The following DUSP10 variants were observed in gnomAD, a reference collection of about 807,000 sequenced individuals.
DUSP10 encodes dual specificity protein phosphatase 10.
DUSP10 carries 14 observed loss-of-function variants against 30.8 expected under a neutral mutation model. The ratio of observed to expected loss-of-function variants is 0.46; its 90% CI spans 0.30 to 0.71. DUSP10 has a LOEUF of 0.71. Ranked by LOEUF, DUSP10 falls within the 30% of genes least tolerant of loss-of-function variation. The pLI is 0.08. For missense variants in DUSP10, 550 were observed against 619.4 expected, an observed-to-expected ratio of 0.89 and a Z score of 1.19; for synonymous variants, 254 against 250.4, an observed-to-expected ratio of 1.01 and a Z score of -0.14.
Position 221,732,969 on chromosome 1 carries a change from G to A in DUSP10, c.811+5965C>T, listed in dbSNP as rs146428074. On this transcript the variant is annotated intron_variant, in intron 2 of 3. Transcript: ENST00000366899. ...TTCTTTAGTTCCAAAAAGGTGAGAT[G>A]ACCTCTCCTGGAACTAGAATTTCTC... Among the ~76,000 whole-genome samples the A allele has an allele frequency of 4.7e-3, 713 of 152,268 alleles. 8 individuals carry two copies. Among genetic ancestry groups the A allele is most frequent in the Non-Finnish European group, 4.6e-3 (311 of 68,016 alleles).
Position 221,702,984 on chromosome 1 carries a change from C to G in DUSP10, c.1184-307G>C, listed in dbSNP as rs1234098841. ...TGACAGCAGTGGCCGGAAGCCAGAC[C>G]TATAACACAGTTAACTTTCACGTTG... is the stretch of plus-strand genomic sequence containing the variant. On this transcript the variant is annotated intron_variant, in intron 3 of 3. Coordinates refer to ENST00000366899, the MANE Select transcript of DUSP10 (RefSeq NM_007207.6). This position sits in a 1 kb window ranked among gnomAD's most constrained non-coding sequence, Gnocchi z 4.5. 4.6e-5 allele frequency among the ~76,000 whole-genome samples: 7 copies of G among 152,078 alleles called. No homozygotes were observed. Among genetic ancestry groups the G allele is most frequent in the African/African-American group, 1.7e-4 (7 of 41,392 alleles).
intron 2 of DUSP10, among the ~76,000 whole-genome samples, chr1:221,709,790 T>A (rs1660881156): frequency 6.6e-6 from 1 of 152,174 alleles, no homozygotes; most frequent in South Asian, 2.1e-4. Flanking sequence ...AGAGTAAAGC[T>A]AATCTGGTTT....
At chr1:221,738,848 T>C in intron 2 of DUSP10, 86 bp downstream of exon 2, 1 of 1,489,422 alleles carries the variant, frequency 6.7e-7, no homozygotes, top group Non-Finnish European at 9.0e-7. Flanking sequence ...GTAGCCAGGG[T>C]AAGGAGAATG....
intron 2 of DUSP10, among the ~76,000 whole-genome samples, chr1:221,731,273 A>T (rs6689705): frequency 0.48 from 72,332 of 150,768 alleles, 17,776 homozygotes; most frequent in African/African-American, 0.59. Context: ...CAAACATTTT[A>T]TTTTTTTAAA....
chr1:221,727,640 G>A (rs925963485), intron 2 of DUSP10, among the ~76,000 whole-genome samples: 1 of 152,118 alleles, frequency 6.6e-6, no homozygotes, highest in South Asian at 2.1e-4. Context: ...GTCATCCTGG[G>A]GTTGTTGTGG....
At chr1:221,723,951 A>G (rs1661348337) in intron 2 of DUSP10, among the ~76,000 whole-genome samples, 1 of 152,248 alleles carries the variant, frequency 6.6e-6, no homozygotes, top group Non-Finnish European at 1.5e-5. Context: ...CTGACCTTCT[A>G]ATCATGTGGA....
chr1:221,736,220 G>C (rs1661764553), intron 2 of DUSP10, among the ~76,000 whole-genome samples: 1 of 152,150 alleles, frequency 6.6e-6, no homozygotes, highest in Admixed American at 6.5e-5. Context: ...CATGGAGACA[G>C]GGGGACAAGG....
chr1:221,720,205 G>C (rs531945777), intron 2 of DUSP10, among the ~76,000 whole-genome samples: 2 of 152,268 alleles, frequency 1.3e-5, no homozygotes, highest in East Asian at 3.9e-4. Context: ...GAGATGACTA[G>C]TGGCTGGGGG....
intron 2 of DUSP10, among the ~76,000 whole-genome samples, chr1:221,715,350 C>T (rs1661065741): frequency 6.6e-6 from 1 of 152,184 alleles, no homozygotes; most frequent in South Asian, 2.1e-4. Context: ...TCACCACCCT[C>T]CCCTCCTGGC....
intron 2 of DUSP10, chr1:221,737,183 G>A (rs1661801265): frequency 1.0e-6 from 1 of 985,408 alleles, no homozygotes; most frequent in East Asian, 1.1e-4. Flanking sequence ...CCCATGATTA[G>A]GAGGTCTAGG....
chr1:221,717,458 CA>C (rs1385519876), intron 2 of DUSP10, among the ~76,000 whole-genome samples: 3 of 149,240 alleles, frequency 2.0e-5, no homozygotes, highest in Non-Finnish European at 4.4e-5. Context: ...GGAAAAGAAA[CA>C]GAGAGAGAGA....
In DUSP10 at chr1:221,732,711, C is replaced by A. The variant is rs139988439; in HGVS notation, c.811+6223G>T. Among the ~76,000 whole-genome samples, 1,247 of 152,232 alleles carry A rather than the reference C, an allele frequency of 8.2e-3. 9 individuals carry two copies. Among genetic ancestry groups the A allele is most frequent in the Middle Eastern group, 0.024 (7 of 294 alleles). On this transcript the variant is annotated intron_variant, in intron 2 of 3. Coordinates refer to ENST00000366899, the MANE Select transcript of DUSP10 (RefSeq NM_007207.6). ...TCCTGTAGTGGCATAATGAGAATAC[C>A]GGACTAGATCAATGGTTCTCAAACT...
At chr1:221,732,412 T>C (rs1316027979) in intron 2 of DUSP10, among the ~76,000 whole-genome samples, 2 of 152,232 alleles carry the variant, frequency 1.3e-5, no homozygotes, top group African/African-American at 4.8e-5. Flanking sequence ...CAGGTAAATA[T>C]ATAGACCATG....
chr1:221,703,986 G>A (rs1015079634), intron 3 of DUSP10, among the ~76,000 whole-genome samples: 2 of 152,138 alleles, frequency 1.3e-5, no homozygotes, highest in South Asian at 2.1e-4. Flanking sequence ...TTCAGCACAC[G>A]GTATTTAGCT....
At chr1:221,714,643 A>G (rs945636633) in intron 2 of DUSP10, among the ~76,000 whole-genome samples, 1 of 152,200 alleles carries the variant, frequency 6.6e-6, no homozygotes, top group African/African-American at 2.4e-5. Flanking sequence ...AAGCCAGACT[A>G]TAAAATCTGG....
intron 2 of DUSP10, among the ~76,000 whole-genome samples, chr1:221,737,741 A>T (rs971679167): frequency 6.6e-6 from 1 of 152,252 alleles, no homozygotes; most frequent in South Asian, 2.1e-4. Context: ...TTCCCAGAAC[A>T]CTGCTTAACA....
chr1:221,730,974 A>T (rs749905004), intron 2 of DUSP10, among the ~76,000 whole-genome samples: 1 of 152,194 alleles, frequency 6.6e-6, no homozygotes, highest in Non-Finnish European at 1.5e-5. Context: ...TAATTAAAAG[A>T]TTACATCAAT....
At chr1:221,714,671 G>A (rs570208041) in intron 2 of DUSP10, among the ~76,000 whole-genome samples, 30 of 152,186 alleles carry the variant, frequency 2.0e-4, no homozygotes, top group African/African-American at 6.7e-4. Context: ...ACCACCAGTC[G>A]GCCTTTTTCC....
chr1:221,737,637 T>A (rs1661816864), intron 2 of DUSP10, among the ~76,000 whole-genome samples: 1 of 152,170 alleles, frequency 6.6e-6, no homozygotes, highest in African/African-American at 2.4e-5. Flanking sequence ...TAAGGAGAGA[T>A]GTGCCTTTGT....
Sources: allele counts gnomAD v4.1 joint callset (sites outside exome capture counted in the v4.1 genomes callset), GRCh38; gene constraint gnomAD v4.1.1; non-coding constraint Gnocchi (gnomAD v3.1); transcripts MANE v1.5; gene names NCBI Gene and HGNC (gene_info 2026-07-23, HGNC 2026-07-21).